Variants in CECR2 observed in about 807,000 individuals in gnomAD.
CECR2 encodes chromatin remodeling regulator CECR2.
In CECR2, 30 loss-of-function variants were observed where a neutral mutation model predicts 154.5. That is an observed-to-expected ratio of 0.19 (90% CI 0.15 to 0.26). The LOEUF is 0.26. CECR2 is among the 10% of genes least tolerant of loss of function. The pLI is 1.00. For synonymous variants in CECR2, 725 were observed against 683.7 expected (o/e 1.06, Z -0.94); for missense variants, 1,743 against 1,829.3 (o/e 0.95, Z 0.86).
At chr22:17,366,820 G>T (rs1470967433), upstream of CECR2, among the ~76,000 whole-genome samples, 2 of 152,192 alleles carry the variant, frequency 1.3e-5, no homozygotes, top group Non-Finnish European at 2.9e-5. Context: ...TCAAGATTGA[G>T]ATTTACTGTT....
chr22:17,554,557 T>C lies in CECR2; in HGVS notation c.*1717T>C, dbSNP rs1272022474. The C allele has an allele frequency of 6.6e-6, 1 of 152,184 alleles. No individual in the cohort carries two copies. The highest frequency in any genetic ancestry group is 2.4e-5 in the African/African-American group (1 of 41,450). 9.4% of individuals were successfully genotyped at this position (152,184 alleles called of 1,614,324 possible). On this transcript the variant is annotated 3_prime_UTR_variant, in exon 19 of 19. Transcript: ENST00000262608. ...AGTTCCAGGATGATGGAAGTTCATA[T>C]CCGTACGCAAATGCTGAACCTGGTG...
intron 1 of CECR2, among the ~76,000 whole-genome samples, chr22:17,448,194 C>T (rs1005359941): frequency 1.3e-5 from 2 of 152,064 alleles, no homozygotes; most frequent in South Asian, 2.1e-4. Context: ...TTAGCTCAAA[C>T]GAGAAGGATG....
At chr22:17,460,842 A>G (rs1438411682) in intron 1 of CECR2, among the ~76,000 whole-genome samples, 2 of 152,058 alleles carry the variant, frequency 1.3e-5, no homozygotes, top group Non-Finnish European at 2.9e-5. Flanking sequence ...GGGGAAGGAA[A>G]TCTCTTATGT....
At chr22:17,368,671 C>T (rs1053677609), upstream of CECR2, among the ~76,000 whole-genome samples, 21 of 152,200 alleles carry the variant, frequency 1.4e-4, no homozygotes, top group African/African-American at 4.8e-4. Flanking sequence ...CCCCATCCCC[C>T]CGCCTTCCAA....
chr22:17,396,242 CAAA>C (rs543939674), intron 1 of CECR2, among the ~76,000 whole-genome samples: 2 of 91,322 alleles, frequency 2.2e-5, no homozygotes. Context: ...GACCCTTTCT[CAAA>C]AAAAAAAAAA....
intron 2 of CECR2, among the ~76,000 whole-genome samples, chr22:17,494,220 C>T (rs2055580671): frequency 6.6e-6 from 1 of 152,218 alleles, no homozygotes; most frequent in Admixed American, 6.5e-5. Flanking sequence ...TTCAGCCTTC[C>T]AGAGTAGCTG....
In CECR2 at chr22:17,557,770, CCTTT is replaced by C. The variant is rs1323595981; in HGVS notation, c.*4932_*4935del. On this transcript the variant is annotated 3_prime_UTR_variant, in exon 19 of 19. Transcript: ENST00000262608. The stretch of plus-strand genomic sequence containing the variant: ...CCCTTCCCTTCCCTTCCCTTCCCTT[CCTTT>C]CCCTTCCCTAGCCAGGGCTCAGGTA... 6.6e-6 allele frequency: 1 copy of C among 152,288 alleles called. No individual in the cohort carries two copies. Among genetic ancestry groups the C allele is most frequent in the East Asian group, 1.9e-4 (1 of 5,200 alleles). 9.4% of individuals were successfully genotyped at this position (152,288 alleles called of 1,614,324 possible). A position where few individuals can be genotyped will look rare whatever the true frequency, so the allele number is the denominator to read the frequency against.
At chr22:17,447,687 G>GT (rs2054697304) in intron 1 of CECR2, among the ~76,000 whole-genome samples, 1 of 151,392 alleles carries the variant, frequency 6.6e-6, no homozygotes, top group Admixed American at 6.6e-5. Flanking sequence ...GTCGGGGGCG[G>GT]TGGGGGGCTT....
intron 7 of CECR2, among the ~76,000 whole-genome samples, 190 bp from the exon 8 acceptor site, chr22:17,511,623 C>G (rs997567650): frequency 1.3e-5 from 2 of 150,434 alleles, no homozygotes; most frequent in African/African-American, 4.9e-5. Context: ...TTTATTTTTT[C>G]AAGAGAATAA....
intron 1 of CECR2, among the ~76,000 whole-genome samples, chr22:17,390,928 T>C (rs2063319177): frequency 6.6e-6 from 1 of 152,208 alleles, no homozygotes; most frequent in Non-Finnish European, 1.5e-5. Context: ...TTTTAAAGCT[T>C]TTCCTATTTT....
rs1226581169 is a variant in CECR2 at position 17,556,458 on chromosome 22, C to T, written c.*3618C>T. ...CTGTATAGTTACTATATTATTTTTG[C>T]TGATTCCTACTGCTGGCAGATGCCA... On this transcript the variant is annotated 3_prime_UTR_variant, in exon 19 of 19. Transcript: ENST00000262608. 1 of 152,142 alleles carries T rather than the reference C, an allele frequency of 6.6e-6. No individual in the cohort carries two copies. The highest frequency in any genetic ancestry group is 2.4e-5 in the African/African-American group (1 of 41,428). 9.4% of individuals were successfully genotyped at this position (152,142 alleles called of 1,614,324 possible).
chr22:17,408,977 A>T (rs1030055905), intron 1 of CECR2, among the ~76,000 whole-genome samples: 1 of 152,152 alleles, frequency 6.6e-6, no homozygotes, highest in Admixed American at 6.5e-5. Flanking sequence ...TTTTCTTTTC[A>T]TAAAGGCTCT....
At chr22:17,496,696 C>A (rs1415233046) in intron 2 of CECR2, among the ~76,000 whole-genome samples, 2 of 152,058 alleles carry the variant, frequency 1.3e-5, no homozygotes, top group African/African-American at 4.8e-5. Flanking sequence ...TTTCTTTTTT[C>A]CTTTTTTCTC....
intron 1 of CECR2, chr22:17,360,145 T>G (rs1381911914): frequency 6.6e-6 from 1 of 152,146 alleles, no homozygotes; most frequent in East Asian, 1.9e-4. Context: ...GTGGAGAAAC[T>G]AAGTGGAAAT....
chr22:17,522,579 G>A (rs140050666), intron 8 of CECR2, among the ~76,000 whole-genome samples: 113 of 152,292 alleles, frequency 7.4e-4, no homozygotes, highest in African/African-American at 2.7e-3. Flanking sequence ...GTTACACTGA[G>A]ACACCTTATG....
At chr22:17,503,028 AC>A in intron 5 of CECR2, 53 bp from the exon 6 acceptor site, 1 of 1,549,616 alleles carries the variant, frequency 6.5e-7, no homozygotes, top group Non-Finnish European at 8.8e-7. Context: ...GTGGCACAGA[AC>A]AATTTTGGAC....
chr22:17,415,502 A>T (rs908501310), intron 1 of CECR2, among the ~76,000 whole-genome samples: 4 of 152,168 alleles, frequency 2.6e-5, no homozygotes, highest in African/African-American at 9.7e-5. Flanking sequence ...TTGGCCTCCC[A>T]AAGTGCTGGG....
In CECR2 at chr22:17,482,101, C is replaced by A. The variant is rs368683722; in HGVS notation, c.221+4419C>A. Among the ~76,000 whole-genome samples, 9 of 104,342 alleles carry A rather than the reference C, an allele frequency of 8.6e-5. No homozygotes were observed. In the East Asian group the frequency reaches 1.0e-3, roughly 12 times the overall value. 68.5% of individuals were successfully genotyped at this position (104,342 alleles called of 152,430 possible). A position where few individuals can be genotyped will look rare whatever the true frequency, so the allele number is the denominator to read the frequency against. ...CTGCTCTCCAGCCTGGGTGACAGAT[C>A]GAGACTCTGTCTCCAAAAAAAAAAA... On this transcript the variant is annotated intron_variant, in intron 2 of 18. Coordinates refer to ENST00000262608, the MANE Select transcript of CECR2 (RefSeq NM_001290047.2).
intron 1 of CECR2, among the ~76,000 whole-genome samples, chr22:17,447,528 A>T (rs768799527): frequency 2.0e-5 from 3 of 152,152 alleles, no homozygotes; most frequent in Non-Finnish European, 4.4e-5. Context: ...CCTGGGCAAC[A>T]GAGCAAGAAC....
Sources: gnomAD v4.1 joint callset for allele counts (sites outside exome capture counted in the v4.1 genomes callset) on GRCh38, gnomAD v4.1.1 for gene constraint, MANE v1.5 for transcripts, NCBI Gene and HGNC (gene_info 2026-07-23, HGNC 2026-07-21) for gene names.